GAS7: variants seen among roughly 807,000 people sequenced by gnomAD.
GAS7 encodes growth arrest specific 7, also known as growth arrest-specific protein 7.
In GAS7, 28 loss-of-function variants were observed where a neutral mutation model predicts 71.1. The observed-to-expected ratio is 0.39, with a 90% CI of 0.29 to 0.54. The LOEUF (loss-of-function observed/expected upper bound fraction) is 0.54, where lower values mean the gene tolerates loss of function less well. GAS7 is among the 20% of genes least tolerant of loss of function. The pLI, the probability that GAS7 is intolerant of heterozygous loss-of-function variation, is 0.62. For missense variants in GAS7, 436 were observed against 627.8 expected (o/e 0.69, Z 3.27); for synonymous variants, 258 against 245.8 (o/e 1.05, Z -0.46).
chr17:9,922,762 A>C (rs1039336873), intron 11 of GAS7, among the ~76,000 whole-genome samples: 2 of 152,262 alleles, frequency 1.3e-5, no homozygotes, highest in Admixed American at 6.5e-5. Context: ...TTCGAAGATC[A>C]AATGAAAACC....
intron 1 of GAS7, among the ~76,000 whole-genome samples, chr17:10,022,221 T>C (rs2072297603): frequency 6.6e-6 from 1 of 152,110 alleles, no homozygotes; most frequent in African/African-American, 2.4e-5. Context: ...ACCACTGCAC[T>C]CCAGCCTGGG....
intron 1 of GAS7, among the ~76,000 whole-genome samples, chr17:10,176,154 C>T (rs1284205010): frequency 6.6e-6 from 1 of 152,208 alleles, no homozygotes; most frequent in African/African-American, 2.4e-5. Flanking sequence ...AGAGCTCTTA[C>T]TGCAAATGAT....
rs564485689 is a variant in GAS7, at chr17:9,975,836, G to A, written c.385+5968C>T. On this transcript the variant is annotated intron_variant, in intron 3 of 13. Coordinates refer to ENST00000432992, the MANE Select transcript of GAS7 (RefSeq NM_201433.2). ...TTCCGCGCACACAGACGCAGAACCC[G>A]TTGAGGGAAATACAGCAGGGCTACC... Among the ~76,000 whole-genome samples, 16 of 152,316 alleles carry A rather than the reference G, an allele frequency of 1.1e-4. 1 individual carries two copies. In the South Asian group the frequency reaches 2.9e-3, roughly 28 times the overall value.
intron 2 of GAS7, among the ~76,000 whole-genome samples, chr17:10,018,095 T>C (rs930624553): frequency 6.6e-6 from 1 of 152,260 alleles, no homozygotes; most frequent in Non-Finnish European, 1.5e-5. Flanking sequence ...GATGTCCACA[T>C]ACACTGTCAA....
intron 1 of GAS7, among the ~76,000 whole-genome samples, chr17:10,121,359 C>A (rs1362679559): frequency 6.6e-6 from 1 of 152,064 alleles, no homozygotes; most frequent in Non-Finnish European, 1.5e-5. Context: ...CCAGCCTGGG[C>A]AACAGAGCAA....
In GAS7 at chr17:10,020,031, GGT is replaced by G; in HGVS notation, c.184-136_184-135del. On this transcript the variant is annotated intron_variant, in intron 1 of 13. Coordinates refer to ENST00000432992, the MANE Select transcript of GAS7 (RefSeq NM_201433.2). Reference sequence around the variant, plus strand: ...AAGTCTGCGGCCCATAAACCCCTGAGGTCAGAGGCAGCACACACGTGACCTCC... The same window carrying G: ...AAGTCTGCGGCCCATAAACCCCTGAGCAGAGGCAGCACACACGTGACCTCC... 4 of 817,514 alleles carry G rather than the reference GGT, an allele frequency of 4.9e-6. No homozygotes were observed. The South Asian group carries it at 6.3e-5, about 13-fold the overall frequency. The allele number at this position is 817,514 out of a possible 1,614,324, so 50.6% of individuals were successfully genotyped here. A position where few individuals can be genotyped will look rare whatever the true frequency, so the allele number is the denominator to read the frequency against.
chr17:10,025,245 A>G (rs1329799253), intron 1 of GAS7, among the ~76,000 whole-genome samples: 1 of 151,948 alleles, frequency 6.6e-6, no homozygotes. Flanking sequence ...TCTACACAAA[A>G]TTAATTAATT....
chr17:10,170,006 C>T (rs1421920461), intron 1 of GAS7, among the ~76,000 whole-genome samples: 1 of 152,190 alleles, frequency 6.6e-6, no homozygotes, highest in Non-Finnish European at 1.5e-5. Flanking sequence ...AAACCTTATA[C>T]GTGCAACCCA....
intron 5 of GAS7, among the ~76,000 whole-genome samples, chr17:9,955,321 G>A (rs1030200590): frequency 2.6e-5 from 4 of 152,310 alleles, no homozygotes; most frequent in Middle Eastern, 6.8e-3. Context: ...TACACCTCTG[G>A]AAAGACCTCA....
chr17:9,939,102 G>A (rs1311499054), intron 8 of GAS7, among the ~76,000 whole-genome samples: 2 of 152,156 alleles, frequency 1.3e-5, no homozygotes, highest in Admixed American at 6.5e-5. Context: ...CTGTGTACAT[G>A]TGTATACATG....
At chr17:10,151,259 C>G (rs1384076604) in intron 1 of GAS7, among the ~76,000 whole-genome samples, 1 of 152,088 alleles carries the variant, frequency 6.6e-6, no homozygotes, top group Non-Finnish European at 1.5e-5. Flanking sequence ...CCTGCCTCAG[C>G]CCTGCTAGTA....
chr17:10,044,962 G>A (rs2072927712), intron 1 of GAS7, among the ~76,000 whole-genome samples: 3 of 149,740 alleles, frequency 2.0e-5, no homozygotes, highest in Admixed American at 1.3e-4. Flanking sequence ...GCTGAGGCAG[G>A]AGAATCACTT....
intron 1 of GAS7, among the ~76,000 whole-genome samples, chr17:10,126,465 T>G (rs1463660165): frequency 6.8e-6 from 1 of 147,340 alleles, no homozygotes; most frequent in Admixed American, 6.8e-5. Context: ...CACGCACTCA[T>G]GCACACACGC....
chr17:10,176,998 C>T (rs963701582), intron 1 of GAS7, among the ~76,000 whole-genome samples: 2 of 152,146 alleles, frequency 1.3e-5, no homozygotes, highest in Non-Finnish European at 2.9e-5. Flanking sequence ...AAGCACCATG[C>T]CAGACCAGAG....
intron 1 of GAS7, among the ~76,000 whole-genome samples, chr17:10,170,004 T>C (rs2142129930): frequency 6.6e-6 from 1 of 152,320 alleles, no homozygotes; most frequent in South Asian, 2.1e-4. Flanking sequence ...TCAAACCTTA[T>C]ACGTGCAACC....
At chr17:10,055,584 T>A (rs2073125449) in intron 1 of GAS7, among the ~76,000 whole-genome samples, 1 of 152,056 alleles carries the variant, frequency 6.6e-6, no homozygotes, top group African/African-American at 2.4e-5. Context: ...TTGGCCAGGT[T>A]TTCCCCCACA....
Position 10,198,331 on chromosome 17 carries a change from C to G in GAS7, c.60G>C (p.Gly20=), listed in dbSNP as rs1462794515. Reference sequence around the variant, plus strand: ...TCAGCTCGCCCGCGGCGAAGCGCAGCCCCTGGCCGTGCCGCTCCCCGGAGA... The same window carrying G: ...TCAGCTCGCCCGCGGCGAAGCGCAGGCCCTGGCCGTGCCGCTCCCCGGAGA... ...YPFSGERHGQ[G]LRFAAGELIT... The change falls in exon 1 of 14, where the codon GGG becomes GGC. Residue 20 remains glycine, a synonymous_variant. Coordinates refer to ENST00000432992, the MANE Select transcript of GAS7 (RefSeq NM_201433.2). 5.0e-6 allele frequency: 8 copies of G among 1,600,402 alleles called. No individual in the cohort carries two copies. The highest frequency in any genetic ancestry group is 6.8e-6 in the Non-Finnish European group (8 of 1,178,988).
intron 2 of GAS7, among the ~76,000 whole-genome samples, chr17:10,006,610 C>T (rs369839982): frequency 2.0e-4 from 31 of 152,054 alleles, no homozygotes; most frequent in South Asian, 6.2e-4. Flanking sequence ...ATTACAGGCG[C>T]GAGCCACCGT....
At chr17:10,126,760 G>GC (rs913808286) in intron 1 of GAS7, among the ~76,000 whole-genome samples, 136 of 152,358 alleles carry the variant, frequency 8.9e-4, no homozygotes, top group African/African-American at 3.2e-3. Context: ...CCAGCGTGGG[G>GC]CACGGGGAAG....
Sources: allele counts gnomAD v4.1 joint callset (sites outside exome capture counted in the v4.1 genomes callset), GRCh38; gene constraint gnomAD v4.1.1; transcripts MANE v1.5; gene names NCBI Gene and HGNC (gene_info 2026-07-23, HGNC 2026-07-21).